SCN9A: variants seen among roughly 807,000 people sequenced by gnomAD.
The protein encoded by SCN9A is sodium voltage-gated channel alpha subunit 9.
In SCN9A, 131 loss-of-function variants were observed where a neutral mutation model predicts 187.0. That is an observed-to-expected ratio of 0.70 (90% CI 0.61 to 0.81). SCN9A has a LOEUF of 0.81. SCN9A is among the 30% of genes least tolerant of loss of function. The probability of loss-of-function intolerance (pLI) is 0.00; values close to 1 mark genes in which losing one functional copy is unlikely to be tolerated. For synonymous variants in SCN9A, 809 were observed against 808.6 expected (o/e 1.00, Z -0.01); for missense variants, 2,252 against 2,396.6 (o/e 0.94, Z 1.26).
At chr2:166,251,989 A>G (rs1019256579) in intron 17 of SCN9A, 104 bp from the exon 18 acceptor site, 1 of 1,329,526 alleles carries the variant, frequency 7.5e-7, no homozygotes, top group Non-Finnish European at 1.0e-6. Flanking sequence ...GTATTATGAA[A>G]AAAGATTAAT....
intron 2 of SCN9A, among the ~76,000 whole-genome samples, chr2:166,311,013 C>T (rs181405366): frequency 0.013 from 1,306 of 102,406 alleles, 22 homozygotes; most frequent in Non-Finnish European, 0.02. Context: ...AACCAAACAC[C>T]GCATATTCTC....
chr2:166,231,962 G>C (rs557933684), intron 21 of SCN9A, among the ~76,000 whole-genome samples: 9 of 152,250 alleles, frequency 5.9e-5, no homozygotes, highest in African/African-American at 2.2e-4. Flanking sequence ...AGGATTTTAG[G>C]TGTCTGAACA....
At chr2:166,347,825 A>T (rs927943538) in intron 1 of SCN9A, among the ~76,000 whole-genome samples, 2 of 152,352 alleles carry the variant, frequency 1.3e-5, no homozygotes, top group Admixed American at 6.5e-5. Flanking sequence ...TTCATGCCAC[A>T]GAATTTAAAG....
chr2:166,211,768 G>A (rs958764573), intron 24 of SCN9A, among the ~76,000 whole-genome samples: 2 of 151,524 alleles, frequency 1.3e-5, no homozygotes, highest in African/African-American at 2.4e-5. Flanking sequence ...GAAAATCCAC[G>A]TAAAAATACA....
Position 166,197,247 on chromosome 2 carries a change from A to G in SCN9A, c.*1425T>C, listed in dbSNP as rs1432400437. 6.6e-6 allele frequency: 1 copy of G among 152,118 alleles called. No individual in the cohort carries two copies. The highest frequency in any genetic ancestry group is 1.9e-4 in the East Asian group (1 of 5,200). 9.4% of individuals were successfully genotyped at this position (152,118 alleles called of 1,614,324 possible). Reference sequence around the variant, plus strand: ...CTGAAATAAACTCACGAAAAAAAGCATTATGGTTATTTCTTTTCAAATTAC... The same window carrying G: ...CTGAAATAAACTCACGAAAAAAAGCGTTATGGTTATTTCTTTTCAAATTAC... On this transcript the variant is annotated 3_prime_UTR_variant, in exon 27 of 27. Transcript: ENST00000642356.
At chr2:166,243,702 G>C (rs1695664546) in intron 18 of SCN9A, among the ~76,000 whole-genome samples, 1 of 151,902 alleles carries the variant, frequency 6.6e-6, no homozygotes, top group African/African-American at 2.4e-5. Flanking sequence ...AAATTGGTCA[G>C]ATTATGGAAA....
chr2:166,334,983 A>T (rs1389663458), intron 1 of SCN9A, among the ~76,000 whole-genome samples: 1 of 152,098 alleles, frequency 6.6e-6, no homozygotes, highest in African/African-American at 2.4e-5. Context: ...CTTAGCTGTT[A>T]GTATTTGCTG....
At chr2:166,233,182 T>TATGTATATAC (rs1695168697) in intron 21 of SCN9A, among the ~76,000 whole-genome samples, 158 bp downstream of exon 21, 3 of 99,172 alleles carry the variant, frequency 3.0e-5, no homozygotes, top group African/African-American at 1.2e-4. Context: ...CATATATACA[T>TATGTATATAC]ATATGCATAT....
chr2:166,220,199 C>T (rs574979247), intron 24 of SCN9A, among the ~76,000 whole-genome samples: 2 of 152,160 alleles, frequency 1.3e-5, no homozygotes, highest in Non-Finnish European at 2.9e-5. Flanking sequence ...TCAGAAGAAG[C>T]ATTTGACAAA....
intron 1 of SCN9A, among the ~76,000 whole-genome samples, chr2:166,372,991 T>G (rs1006518533): frequency 6.6e-6 from 1 of 152,106 alleles, no homozygotes; most frequent in African/African-American, 2.4e-5. Flanking sequence ...ACAACCTACT[T>G]TTAACAAGAT....
intron 19 of SCN9A, among the ~76,000 whole-genome samples, chr2:166,242,153 T>A (rs944512078): frequency 1.3e-5 from 2 of 152,164 alleles, no homozygotes; most frequent in East Asian, 3.9e-4. Context: ...TTTTCCCATT[T>A]TAATAAAACC....
At chr2:166,268,450 C>T (rs1696836675) in intron 17 of SCN9A, among the ~76,000 whole-genome samples, 1 of 151,722 alleles carries the variant, frequency 6.6e-6, no homozygotes, top group Admixed American at 6.6e-5. Context: ...ATAAAAGTTG[C>T]AAAAGAGGGA....
intron 1 of SCN9A, among the ~76,000 whole-genome samples, chr2:166,351,065 C>T (rs1881437): frequency 0.62 from 93,523 of 151,948 alleles, 29,158 homozygotes; most frequent in African/African-American, 0.73. Context: ...ACACATATTT[C>T]CTAAGTAGAC....
At chr2:166,303,994 G>C in intron 6 of SCN9A, 1 of 1,583,002 alleles carries the variant, frequency 6.3e-7, no homozygotes, top group Non-Finnish European at 8.7e-7. Flanking sequence ...TCTTTCAAAA[G>C]ATCAAAGTCA....
At chr2:166,211,072 G>GA (rs112199216) in intron 24 of SCN9A, among the ~76,000 whole-genome samples, 134,894 of 151,490 alleles carry the variant, frequency 0.89, 60,173 homozygotes, top group East Asian at 0.95. Context: ...GGAAAAAAAA[G>GA]AAAGAAAGTC....
At position 166,334,966 on chromosome 2, in the gene SCN9A, C is replaced by A. The variant is rs76102017; in HGVS notation, c.-50-23160G>T. ...GGTACAAGTTGAGGAAATCATACAT[C>A]TATTTGCTTAGCTGTTAGTATTTGC... On this transcript the variant is annotated intron_variant, in intron 1 of 26. Transcript: ENST00000642356. 2.0e-5 allele frequency among the ~76,000 whole-genome samples: 3 copies of A among 152,174 alleles called. No individual in the cohort carries two copies. The East Asian group carries it at 5.8e-4, about 29-fold the overall frequency.
chr2:166,366,535 G>A (rs923646099), intron 1 of SCN9A, among the ~76,000 whole-genome samples: 2 of 152,100 alleles, frequency 1.3e-5, no homozygotes, highest in Non-Finnish European at 2.9e-5. Context: ...GGATCATATG[G>A]TAGTTCTATT....
At position 166,196,176 on chromosome 2, in the gene SCN9A, T is replaced by G. The variant is rs2106332894; in HGVS notation, c.*2496A>C. The stretch of plus-strand genomic sequence containing the variant: ...TAAAATTTAAATATTAATATGACAG[T>G]GCCTTCTGAAGGGTGAAACCATCAG... On this transcript the variant is annotated 3_prime_UTR_variant, in exon 27 of 27. Transcript: ENST00000642356. 1 of 152,208 alleles carries G rather than the reference T, an allele frequency of 6.6e-6. No individual in the cohort carries two copies. The highest frequency in any genetic ancestry group is 1.9e-4 in the East Asian group (1 of 5,168). 9.4% of individuals were successfully genotyped at this position (152,208 alleles called of 1,614,324 possible). A position where few individuals can be genotyped will look rare whatever the true frequency, so the allele number is the denominator to read the frequency against.
intron 1 of SCN9A, among the ~76,000 whole-genome samples, chr2:166,317,859 A>G (rs1452975344): frequency 1.3e-5 from 2 of 152,170 alleles, no homozygotes; most frequent in Non-Finnish European, 2.9e-5. Flanking sequence ...CCAGAGGAAG[A>G]CAAAAAAAGT....
Sources: allele counts gnomAD v4.1 joint callset (sites outside exome capture counted in the v4.1 genomes callset), GRCh38; gene constraint gnomAD v4.1.1; transcripts MANE v1.5; gene names NCBI Gene and HGNC (gene_info 2026-07-23, HGNC 2026-07-21).